Variants in ATG7 observed in about 807,000 individuals in gnomAD.
The protein encoded by ATG7 is autophagy related 7.
Under a neutral mutation model 82.4 loss-of-function variants are expected in ATG7, and 70 were observed. The ratio of observed to expected loss-of-function variants is 0.85; its 90% confidence interval spans 0.70 to 1.04. ATG7 has a LOEUF of 1.04. Ranked by LOEUF, ATG7 falls within the 50% of genes least tolerant of loss-of-function variation. The pLI, the probability that ATG7 is intolerant of heterozygous loss-of-function variation, is 0.00. For synonymous variants in ATG7, 287 were observed against 313.0 expected, an observed-to-expected ratio of 0.92 and a Z score of 0.88; for missense variants, 792 against 864.3, an observed-to-expected ratio of 0.92 and a Z score of 1.05.
chr3:11,292,118 A>C (rs773392317), intron 3 of ATG7, among the ~76,000 whole-genome samples: 1 of 152,222 alleles, frequency 6.6e-6, no homozygotes, highest in Non-Finnish European at 1.5e-5. Context: ...GAAGGCAGGC[A>C]GACCTAGACA....
intron 20 of ATG7, among the ~76,000 whole-genome samples, chr3:11,536,392 G>C (rs566257853): frequency 6.6e-6 from 1 of 152,340 alleles, no homozygotes; most frequent in Admixed American, 6.5e-5. Context: ...TTGGGCTACC[G>C]GCTCCACCTG....
At chr3:11,413,001 T>C (rs186465526) in intron 19 of ATG7, among the ~76,000 whole-genome samples, 17 of 152,282 alleles carry the variant, frequency 1.1e-4, no homozygotes, top group Admixed American at 9.2e-4. Flanking sequence ...TCATTATTAG[T>C]GCATAGAAAC....
chr3:11,497,181 G>A (rs2090898473), intron 20 of ATG7, among the ~76,000 whole-genome samples: 1 of 150,740 alleles, frequency 6.6e-6, no homozygotes. Context: ...AACCTTTATT[G>A]TATATTTCTC....
chr3:11,459,666 A>G (rs1479759019), intron 20 of ATG7, among the ~76,000 whole-genome samples: 1 of 152,150 alleles, frequency 6.6e-6, no homozygotes, highest in East Asian at 1.9e-4. Context: ...CTTTGTGGGG[A>G]AAAGGAAATA....
chr3:11,555,929 C>T lies in ATG7; in HGVS notation c.*1086C>T, dbSNP rs531854989. Reference sequence around the variant, plus strand: ...GTAGGGTAGATTTCAAATGAGGCTTCGCTTCTCCCAAAGTAGCCAGTCCAA... The same window carrying T: ...GTAGGGTAGATTTCAAATGAGGCTTTGCTTCTCCCAAAGTAGCCAGTCCAA... On this transcript the variant is annotated 3_prime_UTR_variant, in exon 21 of 21. Coordinates refer to ENST00000693202, the MANE Select transcript of ATG7 (RefSeq NM_001349232.2). 23 of 152,678 alleles carry T rather than the reference C, an allele frequency of 1.5e-4. No individual in the cohort carries two copies. Among genetic ancestry groups the T allele is most frequent in the African/African-American group, 5.1e-4 (21 of 41,556 alleles). The allele number at this position is 152,678 out of a possible 1,614,324, so 9.5% of individuals were successfully genotyped here.
At chr3:11,423,180 G>C (rs763051404) in intron 19 of ATG7, among the ~76,000 whole-genome samples, 6 of 152,178 alleles carry the variant, frequency 3.9e-5, no homozygotes, top group Non-Finnish European at 8.8e-5. Context: ...GGCCCAAAGA[G>C]AGGGAGAGAG....
intron 9 of ATG7, among the ~76,000 whole-genome samples, chr3:11,330,293 A>G (rs1486677363): frequency 6.6e-6 from 1 of 152,216 alleles, no homozygotes; most frequent in African/African-American, 2.4e-5. Flanking sequence ...GTATTTGCTT[A>G]TATAGTTTGG....
intron 5 of ATG7, among the ~76,000 whole-genome samples, chr3:11,304,925 A>G (rs1002204631): frequency 6.6e-6 from 1 of 152,192 alleles, no homozygotes; most frequent in African/African-American, 2.4e-5. Context: ...GTAGATTCAT[A>G]GAGTTGTGCT....
At chr3:11,491,519 C>T (rs1353885488) in intron 20 of ATG7, among the ~76,000 whole-genome samples, 1 of 152,206 alleles carries the variant, frequency 6.6e-6, no homozygotes, top group Admixed American at 6.5e-5. Flanking sequence ...TGGTGAGGAG[C>T]TGCGTTCCTT....
At chr3:11,417,812 T>TTTTC in intron 19 of ATG7, among the ~76,000 whole-genome samples, 1 of 86,786 alleles carries the variant, frequency 1.2e-5, no homozygotes, top group East Asian at 3.4e-4. Context: ...TTTATTTTAT[T>TTTTC]TTATTTTTTT....
chr3:11,459,498 G>GT (rs10706461), intron 20 of ATG7, among the ~76,000 whole-genome samples: 36 of 147,742 alleles, frequency 2.4e-4, no homozygotes, highest in Admixed American at 3.4e-4. Flanking sequence ...GGAGCCAAGT[G>GT]TTTTTTTTTT....
intron 7 of ATG7, among the ~76,000 whole-genome samples, chr3:11,309,755 A>T (rs778703074): frequency 6.6e-6 from 1 of 152,206 alleles, no homozygotes; most frequent in Non-Finnish European, 1.5e-5. Context: ...ATGTGTGTAT[A>T]TATATCTGTG....
chr3:11,372,895 AGG>A lies in ATG7; in HGVS notation c.1876-7074_1876-7073del, dbSNP rs913564957. ...GGCCATGTTTTCCCCTTGTGGGGAG[AGG>A]GGAGAATGAGAAAACAATATTCAGG... On this transcript the variant is annotated intron_variant, in intron 18 of 20. Transcript: ENST00000693202. Among the ~76,000 whole-genome samples, 16 of 150,836 alleles carry A rather than the reference AGG, an allele frequency of 1.1e-4. No individual in the cohort carries two copies. In the East Asian group the frequency reaches 2.7e-3, roughly 26 times the overall value.
At chr3:11,572,971 C>G in the ATG7 span, among the ~76,000 whole-genome samples, 1 of 151,882 alleles carries the variant, frequency 6.6e-6, no homozygotes. Context: ...AGTTTGAGAC[C>G]GGCCTGACCA....
chr3:11,524,649 T>C lies in ATG7; in HGVS notation c.2080-30162T>C, dbSNP rs1318073286. ...AGAATGGTAGTGCATTAGTCGAGAA[T>C]GGTAGTGCATATCTGTAGTCCCAGC... is the stretch of plus-strand genomic sequence containing the variant. On this transcript the variant is annotated intron_variant, in intron 20 of 20. Transcript: ENST00000693202. Among the ~76,000 whole-genome samples, 3 of 152,124 alleles carry C rather than the reference T, an allele frequency of 2.0e-5. No individual in the cohort carries two copies. The East Asian group carries it at 5.8e-4, about 29-fold the overall frequency.
intron 13 of ATG7, among the ~76,000 whole-genome samples, chr3:11,346,847 C>G (rs1263729951): frequency 1.3e-5 from 2 of 152,256 alleles, no homozygotes; most frequent in African/African-American, 4.8e-5. Flanking sequence ...AACAGTCAGT[C>G]TAACCTATGC....
chr3:11,360,524 A>G lies in ATG7; in HGVS notation c.1480-57A>G, dbSNP rs2076218348. ...AAGTTGAGCAAATATGGAATTAGCCACAGCTTGAAATATATGTGTCTTTTA... is the reference window on the plus strand; with the variant it reads ...AAGTTGAGCAAATATGGAATTAGCCGCAGCTTGAAATATATGTGTCTTTTA... On this transcript the variant is annotated intron_variant, in intron 15 of 20. Coordinates refer to ENST00000693202, the MANE Select transcript of ATG7 (RefSeq NM_001349232.2). The G allele has an allele frequency of 2.0e-6, 3 of 1,520,258 alleles. No homozygotes were observed. The East Asian group carries it at 6.8e-5, about 35-fold the overall frequency. 94.2% of individuals were successfully genotyped at this position (1,520,258 alleles called of 1,614,324 possible). A position where few individuals can be genotyped will look rare whatever the true frequency, so the allele number is the denominator to read the frequency against.
chr3:11,525,792 G>A (rs989774271), intron 20 of ATG7, among the ~76,000 whole-genome samples: 2 of 151,960 alleles, frequency 1.3e-5, no homozygotes, highest in Non-Finnish European at 2.9e-5. Context: ...CTGACGTTGT[G>A]ATCTGCCCGC....
At chr3:11,543,891 G>A (rs887879115) in intron 20 of ATG7, among the ~76,000 whole-genome samples, 4 of 152,200 alleles carry the variant, frequency 2.6e-5, no homozygotes, top group Admixed American at 2.6e-4. Flanking sequence ...TGACAGGCTG[G>A]GGATGGAGGG....
Sources: allele counts gnomAD v4.1 joint callset (sites outside exome capture counted in the v4.1 genomes callset), GRCh38; gene constraint gnomAD v4.1.1; transcripts MANE v1.5; gene names NCBI Gene and HGNC (gene_info 2026-07-23, HGNC 2026-07-21).